Variants in CCDC6 observed in about 807,000 individuals in gnomAD.
CCDC6 encodes coiled-coil domain containing 6.
CCDC6 carries 20 observed loss-of-function variants against 56.6 expected under a neutral mutation model. The observed-to-expected ratio is 0.35, with a 90% CI of 0.25 to 0.51. The LOEUF (loss-of-function observed/expected upper bound fraction) is 0.51. Ranked by LOEUF, CCDC6 falls within the 20% of genes least tolerant of loss-of-function variation. The probability of loss-of-function intolerance (pLI) is 0.95; values close to 1 mark genes in which losing one functional copy is unlikely to be tolerated. For synonymous variants in CCDC6, 241 were observed against 234.4 expected (o/e 1.03, Z -0.26); for missense variants, 367 against 601.1 (o/e 0.61, Z 4.07).
At chr10:59,868,981 G>A (rs1226173227) in intron 1 of CCDC6, among the ~76,000 whole-genome samples, 1 of 151,904 alleles carries the variant, frequency 6.6e-6, no homozygotes, top group Non-Finnish European at 1.5e-5. Flanking sequence ...TTAGCCATGA[G>A]TATTACTAGA....
chr10:59,868,238 T>C (rs1286638561), intron 1 of CCDC6, among the ~76,000 whole-genome samples: 4 of 151,820 alleles, frequency 2.6e-5, no homozygotes, highest in Non-Finnish European at 5.9e-5. Flanking sequence ...ATTAAGGCCC[T>C]GAGTTTTGGG....
At chr10:59,807,132 C>A in intron 5 of CCDC6, 54 bp from the exon 6 acceptor site, 6 of 1,547,730 alleles carry the variant, frequency 3.9e-6, no homozygotes, top group Admixed American at 3.6e-5. Context: ...ATATCCAAAT[C>A]TAAAAAAAAG....
At chr10:59,901,118 G>T (rs1031444009) in intron 1 of CCDC6, among the ~76,000 whole-genome samples, 1 of 152,074 alleles carries the variant, frequency 6.6e-6, no homozygotes, top group African/African-American at 2.4e-5. Context: ...ACACATAGAA[G>T]ATACTTACAA....
rs150830818 is a variant in CCDC6, at chr10:59,892,471, C to T, written c.303+13651G>A. On this transcript the variant is annotated intron_variant, in intron 1 of 8. Coordinates refer to ENST00000263102, the MANE Select transcript of CCDC6 (RefSeq NM_005436.5). Reference sequence around the variant, plus strand: ...ACATGGGTCGTTAGAAGCCAGGTTGCGAGGCTCCCCAACCTGCGGTGCACA... The same window carrying T: ...ACATGGGTCGTTAGAAGCCAGGTTGTGAGGCTCCCCAACCTGCGGTGCACA... Among the ~76,000 whole-genome samples the T allele has an allele frequency of 3.9e-4, 59 of 152,260 alleles. 1 individual carries two copies. Among genetic ancestry groups the T allele is most frequent in the African/African-American group, 1.3e-3 (52 of 41,548 alleles).
chr10:59,808,091 G>A (rs867282038), intron 5 of CCDC6, among the ~76,000 whole-genome samples: 1 of 152,070 alleles, frequency 6.6e-6, no homozygotes, highest in African/African-American at 2.4e-5. Flanking sequence ...GCACCTCTAG[G>A]GATGGCATCT....
intron 7 of CCDC6, among the ~76,000 whole-genome samples, chr10:59,799,132 A>T (rs1433108209): frequency 6.9e-6 from 1 of 144,486 alleles, no homozygotes; most frequent in East Asian, 2.0e-4. Flanking sequence ...CTACTTACTT[A>T]AAAAAAAAAA....
chr10:59,899,592 A>G (rs758670271), intron 1 of CCDC6, among the ~76,000 whole-genome samples: 1 of 152,132 alleles, frequency 6.6e-6, no homozygotes, highest in Non-Finnish European at 1.5e-5. Context: ...ATTTATTTGC[A>G]TTACTGCATC....
intron 1 of CCDC6, among the ~76,000 whole-genome samples, chr10:59,869,430 A>AAAAAAAAAAAAAAAAAAAAAAAAG (rs1589055825): frequency 1.1e-4 from 1 of 9,092 alleles, no homozygotes; most frequent in South Asian, 3.0e-3. Flanking sequence ...CAGAAAAAAG[A>AAAAAAAAAAAAAAAAAAAAAAAAG]AAAAAAAAAA....
In CCDC6 at chr10:59,841,136, C is replaced by T. The variant is rs560326900; in HGVS notation, c.454-8483G>A. Among the ~76,000 whole-genome samples the T allele has an allele frequency of 7.2e-5, 11 of 152,302 alleles. No individual in the cohort carries two copies. The East Asian group carries it at 1.9e-3, about 27-fold the overall frequency. ...TTACCTCCCAATTTCATCTATCACT[C>T]TTCTCTCCCCATGACGTCAATCTAA... is the stretch of plus-strand genomic sequence containing the variant. On this transcript the variant is annotated intron_variant, in intron 2 of 8. Coordinates refer to ENST00000263102, the MANE Select transcript of CCDC6 (RefSeq NM_005436.5).
chr10:59,879,429 A>G (rs1304966429), intron 1 of CCDC6, among the ~76,000 whole-genome samples: 1 of 152,202 alleles, frequency 6.6e-6, no homozygotes, highest in Admixed American at 6.5e-5. Context: ...GCCAGACCTC[A>G]TTATTACAAA....
intron 1 of CCDC6, among the ~76,000 whole-genome samples, chr10:59,871,121 TATAA>T (rs1235928528): frequency 4.6e-5 from 7 of 152,206 alleles, no homozygotes; most frequent in African/African-American, 1.4e-4. Flanking sequence ...AACAAGAATA[TATAA>T]ATAAAATGCT....
intron 1 of CCDC6, among the ~76,000 whole-genome samples, chr10:59,861,306 C>T: frequency 6.6e-6 from 1 of 151,944 alleles, no homozygotes; most frequent in East Asian, 1.9e-4. Flanking sequence ...CTGCAGAGAG[C>T]CTTGATCGTG....
At chr10:59,869,389 CAAAAAA>C (rs1167007522) in intron 1 of CCDC6, among the ~76,000 whole-genome samples, 6 of 6,096 alleles carry the variant, frequency 9.8e-4, no homozygotes, top group Non-Finnish European at 1.6e-3. Flanking sequence ...CTTGCTCAGG[CAAAAAA>C]AAAAAAAAAA....
intron 3 of CCDC6, among the ~76,000 whole-genome samples, chr10:59,828,995 T>C (rs773012300): frequency 2.5e-4 from 38 of 152,218 alleles, no homozygotes; most frequent in Non-Finnish European, 4.7e-4. Context: ...ACCTTCATGA[T>C]CTAGCTGTGA....
intron 2 of CCDC6, among the ~76,000 whole-genome samples, chr10:59,838,228 T>TCA (rs111779783): frequency 0.26 from 39,561 of 151,114 alleles, 8,665 homozygotes; most frequent in African/African-American, 0.6. Flanking sequence ...ATAACAGCTG[T>TCA]CACACACACA....
At chr10:59,840,820 C>T (rs139469162) in intron 2 of CCDC6, among the ~76,000 whole-genome samples, 3 of 152,266 alleles carry the variant, frequency 2.0e-5, no homozygotes, top group Admixed American at 1.3e-4. Flanking sequence ...GTTATTTCTT[C>T]AAAATGTACC....
At chr10:59,838,480 C>T (rs1482913241) in intron 2 of CCDC6, among the ~76,000 whole-genome samples, 1 of 152,136 alleles carries the variant, frequency 6.6e-6, no homozygotes, top group Non-Finnish European at 1.5e-5. Flanking sequence ...TGATCCAATC[C>T]CTATGCAAGC....
At chr10:59,844,113 C>G (rs2070967302) in intron 2 of CCDC6, among the ~76,000 whole-genome samples, 1 of 152,116 alleles carries the variant, frequency 6.6e-6, no homozygotes, top group South Asian at 2.1e-4. Context: ...TTTTGTTTAT[C>G]TTCAGTGAGG....
intron 1 of CCDC6, among the ~76,000 whole-genome samples, chr10:59,886,477 CGCT>C (rs2071384167): frequency 6.6e-6 from 1 of 152,144 alleles, no homozygotes; most frequent in South Asian, 2.1e-4. Flanking sequence ...TATCTGGCAT[CGCT>C]ACTTCTACAC....
Sources: allele counts gnomAD v4.1 joint callset (sites outside exome capture counted in the v4.1 genomes callset), GRCh38; gene constraint gnomAD v4.1.1; transcripts MANE v1.5; gene names NCBI Gene and HGNC (gene_info 2026-07-23, HGNC 2026-07-21).